SGK3: variants seen among roughly 807,000 people sequenced by gnomAD.
SGK3 encodes the protein serine/threonine-protein kinase Sgk3.
A neutral mutation model predicts 68.5 loss-of-function variants in SGK3; 47 were observed. That is an observed-to-expected ratio of 0.69 (90% CI 0.54 to 0.87). The LOEUF is 0.87. SGK3 is among the 40% of genes least tolerant of loss of function. The pLI is 0.00. For missense variants in SGK3, 479 were observed against 575.5 expected (o/e 0.83, Z 1.72); for synonymous variants, 181 against 189.1 (o/e 0.96, Z 0.35).
Position 66,738,941 on chromosome 8 carries a change from T to G in SGK3, c.-122+26108T>G, listed in dbSNP as rs1805404071. Among the ~76,000 whole-genome samples, 3 of 152,166 alleles carry G rather than the reference T, an allele frequency of 2.0e-5. No homozygotes were observed. In the South Asian group the frequency reaches 6.2e-4, roughly 32 times the overall value. On this transcript the variant is annotated intron_variant, in intron 1 of 16. Coordinates refer to ENST00000521198, the MANE Select transcript of SGK3 (RefSeq NM_001033578.3). ...CACTGCGCCCAGCCTAGAGTCACTTTCTTTAGGACATCTTTCCTGTAACCA... is the reference window on the plus strand; with the variant it reads ...CACTGCGCCCAGCCTAGAGTCACTTGCTTTAGGACATCTTTCCTGTAACCA...
chr8:66,783,832 AGATTTTCTG>A (rs1297509668), intron 1 of SGK3, among the ~76,000 whole-genome samples: 2 of 151,980 alleles, frequency 1.3e-5, no homozygotes, highest in African/African-American at 4.8e-5. Context: ...GCCATTTTCT[AGATTTTCTG>A]GTACATTATA....
chr8:66,833,327 G>C (rs757419382), intron 8 of SGK3, among the ~76,000 whole-genome samples: 2 of 151,972 alleles, frequency 1.3e-5, no homozygotes, highest in Non-Finnish European at 2.9e-5. Context: ...TTTAAGTTTT[G>C]TGTTTCTGTT....
intron 1 of SGK3, among the ~76,000 whole-genome samples, chr8:66,753,653 C>T (rs1363419413): frequency 1.3e-5 from 2 of 152,000 alleles, no homozygotes; most frequent in African/African-American, 2.4e-5. Context: ...GGAGAAACCC[C>T]GTCTCTACTA....
intron 6 of SGK3, among the ~76,000 whole-genome samples, chr8:66,826,522 G>A (rs897118277): frequency 3.6e-4 from 55 of 152,116 alleles, no homozygotes; most frequent in Non-Finnish European, 6.8e-4. Flanking sequence ...AAACTATGCC[G>A]CAACAGGACT....
intron 1 of SGK3, among the ~76,000 whole-genome samples, chr8:66,791,288 A>G (rs1807443203): frequency 6.6e-6 from 1 of 152,212 alleles, no homozygotes; most frequent in African/African-American, 2.4e-5. Flanking sequence ...GGACAAAAGC[A>G]AAGTGTGCTA....
At chr8:66,778,382 C>G (rs942650495) in intron 1 of SGK3, among the ~76,000 whole-genome samples, 1 of 152,172 alleles carries the variant, frequency 6.6e-6, no homozygotes, top group Non-Finnish European at 1.5e-5. Flanking sequence ...TGGCAAGCTC[C>G]GCCTCCCGGG....
Position 66,822,381 on chromosome 8 carries a change from CAG to C in SGK3, c.342_343del (p.Arg114SerfsTer16), listed in dbSNP as rs1250559529. The C allele has an allele frequency of 6.2e-7, 1 of 1,608,414 alleles. No homozygotes were observed. The highest frequency in any genetic ancestry group is 8.5e-7 in the Non-Finnish European group (1 of 1,177,400). ...TAATTTTTGTTTTTAGTCCAGATGTCAGAGCATTCCTTCAAATGGACAGTCCA... is the reference window on the plus strand; with the variant it reads ...TAATTTTTGTTTTTAGTCCAGATGTCAGCATTCCTTCAAATGGACAGTCCA... ...YPELYNHPDV[R>X]AFLQMDSPKH... On this transcript the variant is annotated frameshift_variant, in exon 6 of 17. Coordinates refer to ENST00000521198, the MANE Select transcript of SGK3 (RefSeq NM_001033578.3). LOFTEE classifies it high-confidence loss of function.
chr8:66,815,412 C>G (rs1271657899), intron 5 of SGK3, among the ~76,000 whole-genome samples: 4 of 152,206 alleles, frequency 2.6e-5, no homozygotes, highest in Non-Finnish European at 5.9e-5. Flanking sequence ...TGGTAGGATA[C>G]TTGAACTCAC....
intron 1 of SGK3, among the ~76,000 whole-genome samples, chr8:66,769,225 C>T (rs1017112204): frequency 6.6e-6 from 1 of 151,976 alleles, no homozygotes; most frequent in African/African-American, 2.4e-5. Flanking sequence ...TTCTCTTTAC[C>T]TTTCTCTTTT....
chr8:66,847,252 A>G lies in SGK3; in HGVS notation c.1134A>G (p.Leu378=), dbSNP rs1284196699. The G allele has an allele frequency of 1.9e-6, 3 of 1,613,552 alleles. No homozygotes were observed. The highest frequency in any genetic ancestry group is 1.7e-5 in the Admixed American group (1 of 59,936). ...EMYDNILHKP[L]SLRPGVSLTA... ...ATGACAATATCCTTCACAAACCCCT[A>G]AGTTTGAGGCCAGGAGTGAGTCTTA... Residue 378 remains leucine, a synonymous_variant, in exon 15 of 17, where the codon CTA becomes CTG. Transcript: ENST00000521198.
In SGK3 at chr8:66,813,859, TTAA is replaced by T; in HGVS notation, c.261_263del (p.Lys88del). The T allele has an allele frequency of 6.4e-7, 1 of 1,572,192 alleles. No individual in the cohort carries two copies. Among genetic ancestry groups the T allele is most frequent in the Non-Finnish European group, 8.6e-7 (1 of 1,160,906 alleles). On this transcript the variant is annotated inframe_deletion, in exon 5 of 17. Coordinates refer to ENST00000521198, the MANE Select transcript of SGK3 (RefSeq NM_001033578.3). ...GTTTATATCTCTCTTCCAGATTTTA[TTAA>T]ACAAAGACGAGCAGGACTAAACGAA...
At chr8:66,843,689 C>A in intron 14 of SGK3, 142 bp downstream of exon 14, 1 of 762,660 alleles carries the variant, frequency 1.3e-6, no homozygotes, top group Non-Finnish European at 2.0e-6. Context: ...CCCAAACCCA[C>A]ATTAGGAATA....
intron 5 of SGK3, among the ~76,000 whole-genome samples, chr8:66,820,508 T>A (rs1191130964): frequency 6.6e-6 from 1 of 152,230 alleles, no homozygotes; most frequent in Non-Finnish European, 1.5e-5. Flanking sequence ...AATGCTGCTA[T>A]GAGAAATCAT....
intron 2 of SGK3, among the ~76,000 whole-genome samples, chr8:66,798,264 C>T (rs58787759): frequency 0.05 from 7,641 of 151,988 alleles, 293 homozygotes; most frequent in African/African-American, 0.11. Context: ...CACCTCAGCC[C>T]CAGAAAGTGC....
At chr8:66,834,939 C>CAA (rs1330585850) in intron 8 of SGK3, among the ~76,000 whole-genome samples, 7 of 60,814 alleles carry the variant, frequency 1.2e-4, no homozygotes, top group South Asian at 1.1e-3. Context: ...GACTCTGTCT[C>CAA]AAAAAAAAAA....
chr8:66,730,139 T>C (rs1000372780), intron 1 of SGK3, among the ~76,000 whole-genome samples: 1 of 152,188 alleles, frequency 6.6e-6, no homozygotes, highest in Non-Finnish European at 1.5e-5. Context: ...TCTTTCTTTC[T>C]ATTTTAGCCA....
intron 1 of SGK3, among the ~76,000 whole-genome samples, chr8:66,778,903 T>G (rs562523716): frequency 6.6e-6 from 1 of 152,338 alleles, no homozygotes; most frequent in African/African-American, 2.4e-5. Flanking sequence ...TATCTGCAGC[T>G]TAGGATTTTG....
intron 10 of SGK3, among the ~76,000 whole-genome samples, chr8:66,836,771 CTTTTTTTTT>C (rs35857638): frequency 9.3e-5 from 11 of 118,098 alleles, no homozygotes; most frequent in Non-Finnish European, 1.4e-4. Flanking sequence ...GTCAGGATAT[CTTTTTTTTT>C]TTTTTTTTTT....
chr8:66,754,592 A>G (rs141616237), intron 1 of SGK3, among the ~76,000 whole-genome samples: 78 of 152,384 alleles, frequency 5.1e-4, no homozygotes, highest in African/African-American at 1.7e-3. Context: ...TAAAGACGAA[A>G]TTCCCATTTA....
Sources: allele counts gnomAD v4.1 joint callset (sites outside exome capture counted in the v4.1 genomes callset), GRCh38; gene constraint gnomAD v4.1.1; transcripts MANE v1.5; gene names NCBI Gene and HGNC (gene_info 2026-07-23, HGNC 2026-07-21).